The following MYO16 variants were observed in gnomAD, a reference collection of about 807,000 sequenced individuals.
The protein encoded by MYO16 is unconventional myosin-XVI.
MYO16 carries 94 observed loss-of-function variants against 205.3 expected under a neutral mutation model. The ratio of observed to expected loss-of-function variants is 0.46; its 90% CI spans 0.39 to 0.54. MYO16 has a LOEUF of 0.54. MYO16 is among the 20% of genes least tolerant of loss of function. The pLI is 0.00. For missense variants in MYO16, 2,315 were observed against 2,387.5 expected, an observed-to-expected ratio of 0.97 and a Z score of 0.63; for synonymous variants, 988 against 954.0, an observed-to-expected ratio of 1.04 and a Z score of -0.66.
intron 22 of MYO16, among the ~76,000 whole-genome samples, chr13:109,015,680 T>C (rs775561660): frequency 1.1e-4 from 16 of 152,178 alleles, no homozygotes; most frequent in Non-Finnish European, 1.8e-4. Flanking sequence ...TCTTCCTGGT[T>C]TAGTCTTGGG....
chr13:108,586,922 G>T, the MYO16 span, among the ~76,000 whole-genome samples: 12 of 152,286 alleles, frequency 7.9e-5, no homozygotes, highest in African/African-American at 2.4e-4. Context: ...GATCCCCAGG[G>T]AATTTGAAGG....
At chr13:109,178,260 G>A (rs190906812) in intron 33 of MYO16, among the ~76,000 whole-genome samples, 214 of 152,164 alleles carry the variant, frequency 1.4e-3, no homozygotes, top group African/African-American at 5.0e-3. Flanking sequence ...GCTGCTGCCT[G>A]TGGCCGAGAT....
intron 20 of MYO16, among the ~76,000 whole-genome samples, chr13:108,970,654 G>A (rs554309032): frequency 1.3e-5 from 2 of 152,302 alleles, no homozygotes; most frequent in East Asian, 3.9e-4. Context: ...TCCTGGCCAC[G>A]AACATGGCTG....
intron 34 of MYO16, among the ~76,000 whole-genome samples, chr13:109,190,827 A>G (rs1243974106): frequency 6.6e-6 from 1 of 152,198 alleles, no homozygotes; most frequent in East Asian, 1.9e-4. Context: ...ACTCCATTCA[A>G]TTATATGCAT....
chr13:108,678,528 G>A (rs1344488275), intron 2 of MYO16, among the ~76,000 whole-genome samples: 1 of 152,046 alleles, frequency 6.6e-6, no homozygotes, highest in Admixed American at 6.6e-5. Flanking sequence ...CCCCTACCAG[G>A]CTTTTTCCCA....
intron 4 of MYO16, among the ~76,000 whole-genome samples, chr13:108,742,638 T>G (rs1304444048): frequency 6.6e-6 from 1 of 152,218 alleles, no homozygotes; most frequent in East Asian, 1.9e-4. Flanking sequence ...TTACTTATTC[T>G]CAGATTGAGA....
In MYO16 at chr13:108,734,195, CTT is replaced by C. The variant is rs57106194; in HGVS notation, c.507+6622_507+6623del. Among the ~76,000 whole-genome samples, 411 of 145,012 alleles carry C rather than the reference CTT, an allele frequency of 2.8e-3. 2 individuals are homozygous for C. Among genetic ancestry groups the C allele is most frequent in the African/African-American group, 9.7e-3 (391 of 40,354 alleles). Reference sequence around the variant, plus strand: ...GCACCTTATTTAATATATAATATTGCTTTTTTTTTTTAGCACTTATACATATA... The same window carrying C: ...GCACCTTATTTAATATATAATATTGCTTTTTTTTTAGCACTTATACATATA... On this transcript the variant is annotated intron_variant, in intron 4 of 34. Coordinates refer to ENST00000457511, the MANE Select transcript of MYO16 (RefSeq NM_001198950.3).
the MYO16 span, among the ~76,000 whole-genome samples, chr13:108,529,111 C>A: frequency 6.6e-6 from 1 of 152,176 alleles, no homozygotes; most frequent in South Asian, 2.1e-4. Context: ...TAATCTCCTG[C>A]CTTCCAAACA....
intron 1 of MYO16, among the ~76,000 whole-genome samples, chr13:108,661,630 A>G (rs541859524): frequency 6.6e-6 from 1 of 152,196 alleles, no homozygotes; most frequent in East Asian, 1.9e-4. Flanking sequence ...AGTTTCCCAA[A>G]TGTTTGATTG....
chr13:108,918,271 G>A (rs575034905), intron 16 of MYO16, among the ~76,000 whole-genome samples: 13 of 152,170 alleles, frequency 8.5e-5, no homozygotes, highest in Admixed American at 5.2e-4. Flanking sequence ...CAAATACAAC[G>A]TCATTAAGAT....
chr13:108,548,373 C>A, the MYO16 span, among the ~76,000 whole-genome samples: 3 of 148,026 alleles, frequency 2.0e-5, no homozygotes, highest in Non-Finnish European at 4.5e-5. Flanking sequence ...ATGGTGGTAG[C>A]AGTCGGTGGT....
In MYO16 at chr13:108,823,195, A is replaced by G. The variant is rs761046341; in HGVS notation, c.1014A>G (p.Lys338=). 6.2e-7 allele frequency: 1 copy of G among 1,613,306 alleles called. No homozygotes were observed. The highest frequency in any genetic ancestry group is 8.5e-7 in the Non-Finnish European group (1 of 1,179,528). Residue 338 remains lysine, a synonymous_variant, in exon 9 of 35, where the codon AAA becomes AAG. Coordinates refer to ENST00000457511, the MANE Select transcript of MYO16 (RefSeq NM_001198950.3). ...AAATTGCCTGGGAAGAAAAAATGAA[A>G]GAGCCTTTATCTGCTTCTACCTTAG... The part of the protein sequence containing the change: ...KAEIAWEEKM[K]EPLSASTLAQ...
intron 34 of MYO16, among the ~76,000 whole-genome samples, chr13:109,199,224 A>ATATATATG (rs1880305879): frequency 1.1e-5 from 1 of 89,262 alleles, no homozygotes; most frequent in Admixed American, 1.1e-4. Context: ...ATATATATAT[A>ATATATATG]TATATATATA....
At chr13:109,195,179 CT>C (rs1456312584) in intron 34 of MYO16, among the ~76,000 whole-genome samples, 1 of 152,056 alleles carries the variant, frequency 6.6e-6, no homozygotes, top group Non-Finnish European at 1.5e-5. Flanking sequence ...CAAATCCTCT[CT>C]CTTGCTTCCT....
At chr13:108,980,543 G>C (rs998322522) in intron 20 of MYO16, among the ~76,000 whole-genome samples, 1 of 152,116 alleles carries the variant, frequency 6.6e-6, no homozygotes, top group African/African-American at 2.4e-5. Flanking sequence ...GGCTCTCCAT[G>C]ACCCTGTCTG....
At chr13:108,555,042 T>A in the MYO16 span, among the ~76,000 whole-genome samples, 1 of 152,136 alleles carries the variant, frequency 6.6e-6, no homozygotes, top group African/African-American at 2.4e-5. Context: ...AGGTATTTAA[T>A]AAGTAGTCAT....
chr13:108,797,693 T>C (rs558503256), intron 6 of MYO16, among the ~76,000 whole-genome samples: 10 of 152,320 alleles, frequency 6.6e-5, no homozygotes. Context: ...TTTAATTAAT[T>C]CATTTATTAC....
the MYO16 span, among the ~76,000 whole-genome samples, chr13:108,534,414 A>G: frequency 1.3e-5 from 2 of 152,072 alleles, no homozygotes; most frequent in African/African-American, 4.8e-5. Flanking sequence ...GAGAATCCCA[A>G]ATTTACTTGA....
chr13:108,913,622 C>A (rs562124172), intron 16 of MYO16, among the ~76,000 whole-genome samples: 19 of 152,294 alleles, frequency 1.2e-4, no homozygotes, highest in African/African-American at 4.6e-4. Context: ...GAATCCCTTC[C>A]TTAAAATTGG....
Sources: allele counts gnomAD v4.1 joint callset (sites outside exome capture counted in the v4.1 genomes callset), GRCh38; gene constraint gnomAD v4.1.1; transcripts MANE v1.5; gene names NCBI Gene and HGNC (gene_info 2026-07-23, HGNC 2026-07-21).